The following SNED1 variants were observed in gnomAD, a reference collection of about 807,000 sequenced individuals.
The protein encoded by SNED1 is sushi, nidogen and EGF like domains 1, also known as sushi, nidogen and EGF-like domain-containing protein 1.
A neutral mutation model predicts 166.7 loss-of-function variants in SNED1; 81 were observed. The observed-to-expected ratio is 0.49, with a 90% CI of 0.41 to 0.58. The LOEUF is 0.58. Among genes scored for constraint, SNED1 ranks in the 20% least tolerant of loss-of-function variants. The pLI is 0.00. For synonymous variants in SNED1, 762 were observed against 822.0 expected (o/e 0.93, Z 1.25); for missense variants, 1,604 against 2,000.2 (o/e 0.80, Z 3.78).
At chr2:241,065,899 C>T (rs1287857868) in intron 21 of SNED1, among the ~76,000 whole-genome samples, 1 of 129,182 alleles carries the variant, frequency 7.7e-6, no homozygotes, top group African/African-American at 2.9e-5. Context: ...GGGGGCTTCC[C>T]AAAAGGGTCC....
intron 8 of SNED1, among the ~76,000 whole-genome samples, chr2:241,044,907 A>G (rs1329423046): frequency 6.6e-6 from 1 of 152,204 alleles, no homozygotes; most frequent in Non-Finnish European, 1.5e-5. Context: ...GGACTGAAAA[A>G]GGTAGCCCCA....
Position 241,070,912 on chromosome 2 carries a change from C to G in SNED1, c.3590-664C>G, listed in dbSNP as rs114813300. On this transcript the variant is annotated intron_variant, in intron 24 of 31. Coordinates refer to ENST00000310397, the MANE Select transcript of SNED1 (RefSeq NM_001080437.3). ...CCCCAGGGAAGAGAGGGCTCTGACC[C>G]CAGGCTCCTCCCCAACCCGTGAGGC... 4.4e-3 allele frequency among the ~76,000 whole-genome samples: 667 copies of G among 152,326 alleles called. 5 individuals carry two copies. The highest frequency in any genetic ancestry group is 0.016 in the African/African-American group (645 of 41,568).
chr2:241,005,363 C>T (rs1320001605), intron 1 of SNED1, among the ~76,000 whole-genome samples: 3 of 151,980 alleles, frequency 2.0e-5, no homozygotes, highest in Non-Finnish European at 2.9e-5. Flanking sequence ...ACCATCACCC[C>T]CAGCTAATTT....
chr2:241,054,194 C>T (rs2061972163), intron 16 of SNED1, among the ~76,000 whole-genome samples: 1 of 152,148 alleles, frequency 6.6e-6, no homozygotes. Flanking sequence ...GCTACTTCCC[C>T]ACCTATATGT....
chr2:241,058,588 AAATGT>A (rs2062135032), intron 16 of SNED1, among the ~76,000 whole-genome samples: 1 of 152,206 alleles, frequency 6.6e-6, no homozygotes, highest in Non-Finnish European at 1.5e-5. Flanking sequence ...AACAATTAGA[AAATGT>A]AATTATAAAA....
At chr2:241,022,017 G>A (rs546299687) in intron 1 of SNED1, among the ~76,000 whole-genome samples, 3 of 152,322 alleles carry the variant, frequency 2.0e-5, no homozygotes, top group African/African-American at 7.2e-5. Context: ...GGTTAATGCT[G>A]TCAAGCATCT....
At chr2:241,062,304 T>C (rs1035567509) in intron 16 of SNED1, among the ~76,000 whole-genome samples, 1 of 152,130 alleles carries the variant, frequency 6.6e-6, no homozygotes, top group African/African-American at 2.4e-5. Context: ...TCATTACCAT[T>C]TATTTACTTT....
chr2:241,063,938 C>A, intron 18 of SNED1, 74 bp from the exon 19 acceptor site: 2 of 1,161,958 alleles, frequency 1.7e-6, no homozygotes, highest in Non-Finnish European at 2.5e-6. Flanking sequence ...CCTTTCCCTT[C>A]TTCCCGCTGT....
intron 1 of SNED1, among the ~76,000 whole-genome samples, chr2:241,002,335 C>G (rs975631829): frequency 2.0e-5 from 3 of 152,198 alleles, no homozygotes; most frequent in Non-Finnish European, 2.9e-5. Context: ...ACTGCCATCT[C>G]TGCTCTCTTC....
At chr2:241,019,716 G>A (rs1265380664) in intron 1 of SNED1, among the ~76,000 whole-genome samples, 1 of 152,316 alleles carries the variant, frequency 6.6e-6, no homozygotes, top group East Asian at 1.9e-4. Context: ...CTTACCGTGG[G>A]CACCTGCACG....
intron 1 of SNED1, among the ~76,000 whole-genome samples, chr2:241,009,467 G>A (rs2060320018): frequency 6.6e-6 from 1 of 152,156 alleles, no homozygotes; most frequent in Non-Finnish European, 1.5e-5. Context: ...GGCGGCAGGA[G>A]CTGCTGTCAA....
In SNED1 at chr2:241,051,604, C is replaced by T. The variant is rs147167372; in HGVS notation, c.1736-140C>T. 2,308 of 641,408 alleles carry T rather than the reference C, an allele frequency of 3.6e-3. 10 individuals are homozygous for T. Among genetic ancestry groups the T allele is most frequent in the African/African-American group, 0.012 (646 of 54,396 alleles). 39.7% of individuals were successfully genotyped at this position (641,408 alleles called of 1,614,324 possible). ...ACCATGTGTGCGGACCTGCTTGGCC[C>T]CTGCTGCAGCCAGGCCCCAGGGCTT... On this transcript the variant is annotated intron_variant, in intron 12 of 31. Coordinates refer to ENST00000310397, the MANE Select transcript of SNED1 (RefSeq NM_001080437.3). This position sits in a 1 kb window ranked among gnomAD's most constrained non-coding sequence, Gnocchi z 4.7.
At chr2:241,004,987 C>T (rs1242725343) in intron 1 of SNED1, among the ~76,000 whole-genome samples, 1 of 152,156 alleles carries the variant, frequency 6.6e-6, no homozygotes, top group Non-Finnish European at 1.5e-5. Flanking sequence ...TCACAAAGTG[C>T]TGGGATTACA....
At chr2:241,071,764 G>C (rs766368431) in intron 25 of SNED1, 32 bp from the exon 26 acceptor site, 11 of 1,530,572 alleles carry the variant, frequency 7.2e-6, no homozygotes, top group South Asian at 1.2e-5. Flanking sequence ...GGCGGCGCTC[G>C]GACTGTGGTG....
At chr2:241,067,660 C>T in intron 21 of SNED1, 104 bp from the exon 22 acceptor site, 2 of 909,752 alleles carry the variant, frequency 2.2e-6, no homozygotes, top group Non-Finnish European at 3.3e-6. Flanking sequence ...CAGTGCCTCT[C>T]TGTGGCCCCC....
At chr2:241,027,803 G>T (rs558630337) in intron 1 of SNED1, among the ~76,000 whole-genome samples, 1 of 150,226 alleles carries the variant, frequency 6.7e-6, no homozygotes, top group East Asian at 2.0e-4. Context: ...GCACGATCTC[G>T]GCTCACTGCA....
intron 1 of SNED1, among the ~76,000 whole-genome samples, chr2:241,001,168 GC>G (rs1390270496): frequency 3.3e-5 from 5 of 152,200 alleles, no homozygotes; most frequent in Non-Finnish European, 7.3e-5. Context: ...GGACCCTCCA[GC>G]CCCCATCCCA....
chr2:241,034,023 C>A, intron 3 of SNED1, 148 bp downstream of exon 3: 1 of 1,040,172 alleles, frequency 9.6e-7, no homozygotes, highest in South Asian at 1.8e-5. Flanking sequence ...ACAACCATCC[C>A]TGAGGCCTCT....
chr2:241,079,113 CAAAAA>C (rs1274280801), intron 27 of SNED1, among the ~76,000 whole-genome samples: 1 of 72,542 alleles, frequency 1.4e-5, no homozygotes, highest in Non-Finnish European at 2.6e-5. Context: ...GACTCCATCT[CAAAAA>C]AAAAAAAAAA....
Sources: gnomAD v4.1 joint callset for allele counts (sites outside exome capture counted in the v4.1 genomes callset) on GRCh38, gnomAD v4.1.1 for gene constraint, Gnocchi (gnomAD v3.1) non-coding constraint, MANE v1.5 for transcripts, NCBI Gene and HGNC (gene_info 2026-07-23, HGNC 2026-07-21) for gene names.